The following SYT1 variants were observed in gnomAD, a reference collection of about 807,000 sequenced individuals.
SYT1 encodes the protein synaptotagmin 1.
In SYT1, 8 loss-of-function variants were observed where a neutral mutation model predicts 44.8. The ratio of observed to expected loss-of-function variants is 0.18; its 90% CI spans 0.10 to 0.32. The LOEUF is 0.32. Ranked by LOEUF, SYT1 falls within the 10% of genes least tolerant of loss-of-function variation. The probability of loss-of-function intolerance (pLI) is 1.00; values close to 1 mark genes in which losing one functional copy is unlikely to be tolerated. For missense variants in SYT1, 286 were observed against 509.3 expected, an observed-to-expected ratio of 0.56 and a Z score of 4.22; for synonymous variants, 154 against 188.8, an observed-to-expected ratio of 0.82 and a Z score of 1.51.
intron 3 of SYT1, among the ~76,000 whole-genome samples, chr12:79,134,032 T>C (rs1296893785): frequency 6.6e-6 from 1 of 152,192 alleles, no homozygotes; most frequent in Non-Finnish European, 1.5e-5. Context: ...TCTGCCACTC[T>C]TTCCAATAAA....
At chr12:78,931,310 AGGGAGGGAGGGAGGGAGGGAGGGAGGG>A (rs1877698818) in intron 1 of SYT1, among the ~76,000 whole-genome samples, 1 of 15,246 alleles carries the variant, frequency 6.6e-5, no homozygotes, top group African/African-American at 3.3e-4. Flanking sequence ...AAGGAAGGAG[AGGGAGGGAGGGAGGGAGGGAGGGAGGG>A]AAGGAAGGAA....
rs1878550612 is a variant in SYT1, at chr12:78,944,451, T to G, written c.-216-33348T>G. On this transcript the variant is annotated intron_variant, in intron 1 of 10. Coordinates refer to ENST00000261205, the MANE Select transcript of SYT1 (RefSeq NM_005639.3). Reference sequence around the variant, plus strand: ...AGCCTCAGGACATTAATTTTATTTGTGTACCATCTAATATTTGTAAGTGGA... The same window carrying G: ...AGCCTCAGGACATTAATTTTATTTGGGTACCATCTAATATTTGTAAGTGGA... 2.0e-5 allele frequency among the ~76,000 whole-genome samples: 3 copies of G among 152,160 alleles called. No individual in the cohort carries two copies. The South Asian group carries it at 6.2e-4, about 32-fold the overall frequency.
rs555231777 is a variant in SYT1 at position 79,157,714 on chromosome 12, G to A, written c.-17-59789G>A. 9.0e-4 allele frequency among the ~76,000 whole-genome samples: 137 copies of A among 152,242 alleles called. 1 individual carries two copies. In the South Asian group the frequency reaches 0.011, roughly 13 times the overall value. ...AAAGACTGGCTTTATAATTGGAAAGGCAAACAATTATAGGACTTTGTACTA... is the reference window on the plus strand; with the variant it reads ...AAAGACTGGCTTTATAATTGGAAAGACAAACAATTATAGGACTTTGTACTA... On this transcript the variant is annotated intron_variant, in intron 3 of 10. Transcript: ENST00000261205.
chr12:79,059,460 T>G (rs992432953), intron 3 of SYT1, among the ~76,000 whole-genome samples: 5 of 152,106 alleles, frequency 3.3e-5, no homozygotes, highest in Non-Finnish European at 5.9e-5. Context: ...TAAAGTAAAT[T>G]TTAAGAGTTA....
chr12:78,921,603 T>C (rs1877004909), intron 1 of SYT1, among the ~76,000 whole-genome samples: 1 of 151,912 alleles, frequency 6.6e-6, no homozygotes, highest in South Asian at 2.1e-4. Flanking sequence ...TCAGGGTGGA[T>C]AGAACAGGCA....
chr12:79,312,880 C>T (rs73351093), intron 8 of SYT1, among the ~76,000 whole-genome samples: 1,611 of 149,096 alleles, frequency 0.011, 30 homozygotes, highest in African/African-American at 0.038. Flanking sequence ...TCATGTGTAA[C>T]TAACTTTGTA....
intron 1 of SYT1, among the ~76,000 whole-genome samples, chr12:78,869,517 A>G (rs1287435081): frequency 6.6e-6 from 1 of 152,006 alleles, no homozygotes. Flanking sequence ...TAGAAATGGT[A>G]AACACTAGAG....
intron 9 of SYT1, among the ~76,000 whole-genome samples, chr12:79,440,636 A>G (rs1870356087): frequency 6.6e-6 from 1 of 152,190 alleles, no homozygotes; most frequent in East Asian, 1.9e-4. Flanking sequence ...TTTCCATAAA[A>G]TTGTGTTTTA....
chr12:78,901,673 T>G (rs980391769), intron 1 of SYT1, among the ~76,000 whole-genome samples: 1 of 152,156 alleles, frequency 6.6e-6, no homozygotes. Flanking sequence ...TATTTGTTCA[T>G]GTAGTTGTTG....
intron 2 of SYT1, among the ~76,000 whole-genome samples, chr12:79,032,732 T>C (rs918770301): frequency 6.6e-6 from 1 of 151,398 alleles, no homozygotes; most frequent in Non-Finnish European, 1.5e-5. Flanking sequence ...ATGATTATTT[T>C]CTGATTATTC....
At chr12:79,417,235 G>A (rs767863806) in intron 9 of SYT1, among the ~76,000 whole-genome samples, 6 of 152,084 alleles carry the variant, frequency 3.9e-5, no homozygotes, top group East Asian at 1.9e-4. Flanking sequence ...GAGAGTTTGC[G>A]TTTTCTGTTT....
chr12:79,330,948 T>C (rs1881826913), intron 8 of SYT1, among the ~76,000 whole-genome samples: 1 of 152,186 alleles, frequency 6.6e-6, no homozygotes, highest in Admixed American at 6.5e-5. Flanking sequence ...ACCTAACATC[T>C]TTCAGGCATA....
At chr12:79,171,179 T>C (rs1287686589) in intron 3 of SYT1, among the ~76,000 whole-genome samples, 1 of 152,080 alleles carries the variant, frequency 6.6e-6, no homozygotes, top group Non-Finnish European at 1.5e-5. Context: ...TTTGGGGTCT[T>C]TATTTGGTTC....
At chr12:79,210,366 T>C (rs1339245560) in intron 3 of SYT1, among the ~76,000 whole-genome samples, 2 of 152,108 alleles carry the variant, frequency 1.3e-5, no homozygotes, top group Non-Finnish European at 2.9e-5. Context: ...GCAGTATACA[T>C]TGCACCATAT....
At chr12:79,021,881 T>C (rs1872217015) in intron 2 of SYT1, among the ~76,000 whole-genome samples, 1 of 151,892 alleles carries the variant, frequency 6.6e-6, no homozygotes, top group Admixed American at 6.6e-5. Flanking sequence ...TAAAATTATT[T>C]TTTATATTTG....
intron 3 of SYT1, among the ~76,000 whole-genome samples, chr12:79,051,150 A>C (rs764726969): frequency 1.5e-4 from 23 of 151,980 alleles, no homozygotes; most frequent in Non-Finnish European, 1.8e-4. Flanking sequence ...TGTTAAAAAA[A>C]AACTCTTCTC....
intron 3 of SYT1, among the ~76,000 whole-genome samples, chr12:79,093,766 A>C (rs1037175379): frequency 5.9e-5 from 9 of 151,656 alleles, no homozygotes; most frequent in African/African-American, 2.2e-4. Flanking sequence ...CACCAAAAAC[A>C]CATCCTAGTT....
intron 8 of SYT1, among the ~76,000 whole-genome samples, chr12:79,322,138 T>C (rs977592237): frequency 1.3e-5 from 2 of 152,290 alleles, no homozygotes; most frequent in South Asian, 2.1e-4. Flanking sequence ...TGAAATCACA[T>C]ACACTTGACT....
chr12:79,306,781 A>T (rs1880418135), intron 8 of SYT1, among the ~76,000 whole-genome samples: 2 of 152,238 alleles, frequency 1.3e-5, no homozygotes, highest in African/African-American at 4.8e-5. Flanking sequence ...TTTCATGTGT[A>T]TAAGCTGGCA....
Sources: gnomAD v4.1 joint callset for allele counts (sites outside exome capture counted in the v4.1 genomes callset) on GRCh38, gnomAD v4.1.1 for gene constraint, MANE v1.5 for transcripts, NCBI Gene and HGNC (gene_info 2026-07-23, HGNC 2026-07-21) for gene names.